The following ASS1 variants were observed in gnomAD, a reference collection of about 807,000 sequenced individuals.
ASS1 encodes the protein argininosuccinate synthase 1.
A neutral mutation model predicts 60.5 loss-of-function variants in ASS1; 58 were observed. The observed-to-expected ratio is 0.96, with a 90% confidence interval of 0.78 to 1.19. ASS1 has a LOEUF of 1.19. ASS1 is among the 50% of genes most tolerant of loss of function. The pLI, the probability that ASS1 is intolerant of heterozygous loss-of-function variation, is 0.00. For synonymous variants in ASS1, 200 were observed against 206.9 expected (o/e 0.97, Z 0.29); for missense variants, 454 against 547.3 (o/e 0.83, Z 1.70).
chr9:130,462,899 C>T (rs1845636639), intron 4 of ASS1, among the ~76,000 whole-genome samples: 1 of 152,192 alleles, frequency 6.6e-6, no homozygotes, highest in Non-Finnish European at 1.5e-5. Context: ...CTGTGTGGCC[C>T]TGGGCAAGTG....
Position 130,477,237 on chromosome 9 carries a change from TG to T in ASS1, c.688+277del, listed in dbSNP as rs1054646706. On this transcript the variant is annotated intron_variant, in intron 9 of 14. Coordinates refer to ENST00000352480, the MANE Select transcript of ASS1 (RefSeq NM_054012.4). This position sits in a 1 kb window ranked among gnomAD's most constrained non-coding sequence, Gnocchi z 4.2. ...TCTGGAATGAGAGCGCTCTAGTCCC[TG>T]AACAGCCACTCAACTTTCCTGGGCC... is the stretch of plus-strand genomic sequence containing the variant. Among the ~76,000 whole-genome samples, 2 of 152,208 alleles carry T rather than the reference TG, an allele frequency of 1.3e-5. No individual in the cohort carries two copies. The highest frequency in any genetic ancestry group is 6.5e-5 in the Admixed American group (1 of 15,286).
chr9:130,495,558 CAGA>C (rs1846576997), intron 13 of ASS1, among the ~76,000 whole-genome samples: 1 of 149,578 alleles, frequency 6.7e-6, no homozygotes, highest in Non-Finnish European at 1.5e-5. Context: ...CAAACAATAG[CAGA>C]AGGAGTTAAC....
intron 1 of ASS1, among the ~76,000 whole-genome samples, chr9:130,448,277 C>G (rs929437964): frequency 9.2e-5 from 14 of 152,094 alleles, no homozygotes; most frequent in African/African-American, 3.4e-4. Flanking sequence ...CATTTCTCTG[C>G]ATGCATACAC....
At chr9:130,482,678 A>T (rs752014481) in intron 11 of ASS1, among the ~76,000 whole-genome samples, 11 of 152,188 alleles carry the variant, frequency 7.2e-5, no homozygotes, top group Non-Finnish European at 1.6e-4. Flanking sequence ...ATGGTAGCTG[A>T]CAGCATTCCA....
At chr9:130,460,260 C>T (rs1337704735) in intron 4 of ASS1, among the ~76,000 whole-genome samples, 2 of 152,204 alleles carry the variant, frequency 1.3e-5, no homozygotes, top group Non-Finnish European at 2.9e-5. Context: ...GCCTGGGAGA[C>T]AGCCACCCAC....
chr9:130,448,842 G>A (rs1845259639), intron 1 of ASS1, among the ~76,000 whole-genome samples: 2 of 152,192 alleles, frequency 1.3e-5, no homozygotes, highest in Admixed American at 6.5e-5. Context: ...GGGATTACAG[G>A]CATGAACCAC....
chr9:130,493,058 C>T (rs1248060201), intron 12 of ASS1, among the ~76,000 whole-genome samples: 1 of 152,156 alleles, frequency 6.6e-6, no homozygotes, highest in Admixed American at 6.5e-5. Flanking sequence ...GGCTAATTAT[C>T]CCAGCTCCGT....
intron 1 of ASS1, chr9:130,445,238 C>G (rs1158924752): frequency 4.7e-4 from 9 of 19,342 alleles, no homozygotes; most frequent in African/African-American, 2.3e-3. Flanking sequence ...GCGCGAGTCC[C>G]CGGGGGCGCG....
rs1254529699 is a variant in ASS1 at position 130,491,864 on chromosome 9, G to GC, written c.970+2404dup. On this transcript the variant is annotated intron_variant, in intron 12 of 14. Transcript: ENST00000352480. This position sits in a 1 kb window ranked among gnomAD's most constrained non-coding sequence, Gnocchi z 5.3. ...TTGCCCTGGTCCGCTGACATGCAGGGCCCCACAAACATCAAGATCGGCCTC... is the reference window on the plus strand; with the variant it reads ...TTGCCCTGGTCCGCTGACATGCAGGGCCCCCACAAACATCAAGATCGGCCTC... Among the ~76,000 whole-genome samples the GC allele has an allele frequency of 6.6e-6, 1 of 152,178 alleles. No individual in the cohort carries two copies. The highest frequency in any genetic ancestry group is 6.5e-5 in the Admixed American group (1 of 15,286).
chr9:130,470,603 G>T lies in ASS1; in HGVS notation c.496-231G>T, dbSNP rs1466040091. Reference sequence around the variant, plus strand: ...GATGTAGACTCAAAGTCTTCTGGAAGGAACCTCCAAGGTCAGCATTGCAGA... The same window carrying T: ...GATGTAGACTCAAAGTCTTCTGGAATGAACCTCCAAGGTCAGCATTGCAGA... On this transcript the variant is annotated intron_variant, in intron 6 of 14. Coordinates refer to ENST00000352480, the MANE Select transcript of ASS1 (RefSeq NM_054012.4). The surrounding 1 kb of genome is among the most constrained non-coding windows in gnomAD (Gnocchi z 4.3). Among the ~76,000 whole-genome samples, 1 of 152,200 alleles carries T rather than the reference G, an allele frequency of 6.6e-6. No individual in the cohort carries two copies. The highest frequency in any genetic ancestry group is 1.5e-5 in the Non-Finnish European group (1 of 68,024).
At chr9:130,463,620 C>T (rs902895843) in intron 4 of ASS1, among the ~76,000 whole-genome samples, 1 of 152,202 alleles carries the variant, frequency 6.6e-6, no homozygotes, top group African/African-American at 2.4e-5. Flanking sequence ...TCCTCCCTGA[C>T]ACCAGCCATT....
At position 130,494,539 on chromosome 9, in the gene ASS1, A is replaced by C. The variant is rs1041048717; in HGVS notation, c.971-328A>C. On this transcript the variant is annotated intron_variant, in intron 12 of 14. Transcript: ENST00000352480. This position sits in a 1 kb window ranked among gnomAD's most constrained non-coding sequence, Gnocchi z 4.3. ...GGGCCAGGGATGGGGTCCCTTTACC[A>C]CTGTGTCCCCAGTTGCTGGCCTGTG... Among the ~76,000 whole-genome samples the C allele has an allele frequency of 1.3e-5, 2 of 152,166 alleles. No homozygotes were observed. Among genetic ancestry groups the C allele is most frequent in the African/African-American group, 4.8e-5 (2 of 41,444 alleles).
At chr9:130,497,997 C>T (rs987041390) in intron 13 of ASS1, among the ~76,000 whole-genome samples, 1 of 152,014 alleles carries the variant, frequency 6.6e-6, no homozygotes, top group Non-Finnish European at 1.5e-5. Flanking sequence ...CTGGAGGGGC[C>T]GTGGAGGTGT....
Position 130,489,296 on chromosome 9 carries a change from T to G in ASS1, c.839-37T>G, listed in dbSNP as rs1846388571. ...GTTTGGGTTTCATGCGTTTCTCTCTTTTTTCTCCTTTTCCCCCTGCCTGGA... is the reference window on the plus strand; with the variant it reads ...GTTTGGGTTTCATGCGTTTCTCTCTGTTTTCTCCTTTTCCCCCTGCCTGGA... On this transcript the variant is annotated intron_variant, in intron 11 of 14. Transcript: ENST00000352480. The surrounding 1 kb of genome is among the most constrained non-coding windows in gnomAD (Gnocchi z 4.1). 3 of 1,612,834 alleles carry G rather than the reference T, an allele frequency of 1.9e-6. No individual in the cohort carries two copies. Among genetic ancestry groups the G allele is most frequent in the Non-Finnish European group, 2.5e-6 (3 of 1,179,716 alleles).
chr9:130,463,493 C>T (rs1303883003), intron 4 of ASS1, among the ~76,000 whole-genome samples: 2 of 152,214 alleles, frequency 1.3e-5, no homozygotes, highest in African/African-American at 4.8e-5. Flanking sequence ...GGGTCCCGGG[C>T]CTGCCCTGGC....
intron 14 of ASS1, 147 bp from the exon 15 acceptor site, chr9:130,500,829 G>T (rs541878288): frequency 2.7e-6 from 2 of 738,370 alleles, no homozygotes; most frequent in Non-Finnish European, 4.7e-6. Context: ...GGGCCAGGGC[G>T]GGAGAGGGAA....
Position 130,490,945 on chromosome 9 carries a change from T to G in ASS1, c.970+1481T>G, listed in dbSNP as rs1233561879. On this transcript the variant is annotated intron_variant, in intron 12 of 14. Transcript: ENST00000352480. ...CTGCCTGAGGCCGATCCTCACATCT[T>G]CGGGGGCCTGGACGTCAGGGGACCT... 2.0e-5 allele frequency among the ~76,000 whole-genome samples: 3 copies of G among 152,302 alleles called. No individual in the cohort carries two copies. In the East Asian group the frequency reaches 5.8e-4, roughly 29 times the overall value.
chr9:130,454,494 T>G, intron 3 of ASS1, 121 bp downstream of exon 3: 2 of 1,101,612 alleles, frequency 1.8e-6, no homozygotes, highest in South Asian at 2.9e-5. Context: ...TCTAAGAGTA[T>G]GAGATCATCC....
Position 130,451,856 on chromosome 9 carries a change from C to G in ASS1, c.-5-368C>G, listed in dbSNP as rs141552024. 2.2e-4 allele frequency: 107 copies of G among 478,980 alleles called. 1 individual carries two copies. The highest frequency in any genetic ancestry group is 1.8e-3 in the African/African-American group (92 of 51,122). The allele number at this position is 478,980 out of a possible 1,614,324, so 29.7% of individuals were successfully genotyped here. On this transcript the variant is annotated intron_variant, in intron 1 of 14. Coordinates refer to ENST00000352480, the MANE Select transcript of ASS1 (RefSeq NM_054012.4). ...TGCCAGAGGCTCAGAGCCAAGGCCCCTCCCACATCTCCTGCCTGCGTGCAT... is the reference window on the plus strand; with the variant it reads ...TGCCAGAGGCTCAGAGCCAAGGCCCGTCCCACATCTCCTGCCTGCGTGCAT...
Sources: allele counts gnomAD v4.1 joint callset (sites outside exome capture counted in the v4.1 genomes callset), GRCh38; gene constraint gnomAD v4.1.1; non-coding constraint Gnocchi (gnomAD v3.1); transcripts MANE v1.5; gene names NCBI Gene and HGNC (gene_info 2026-07-23, HGNC 2026-07-21).